KMT2E: variants seen among roughly 807,000 people sequenced by gnomAD.
KMT2E encodes lysine methyltransferase 2E (inactive), also known as histone reader KMT2E.
Under a neutral mutation model 184.6 loss-of-function variants are expected in KMT2E, and 30 were observed. That is an observed-to-expected ratio of 0.16 (90% CI 0.12 to 0.22). The LOEUF is 0.22. Ranked by LOEUF, KMT2E falls within the 10% of genes least tolerant of loss-of-function variation. KMT2E has a pLI of 1.00. For missense variants in KMT2E, 2,023 were observed against 2,237.4 expected (o/e 0.90, Z 1.93); for synonymous variants, 815 against 776.5 (o/e 1.05, Z -0.82).
intron 1 of KMT2E, among the ~76,000 whole-genome samples, chr7:105,019,296 A>C (rs1053880541): frequency 7.9e-5 from 12 of 152,308 alleles, no homozygotes; most frequent in Non-Finnish European, 1.3e-4. Context: ...ACATGTTTTC[A>C]CTTGATATGA....
In KMT2E at chr7:105,101,882, T is replaced by C. The variant is rs1283501287; in HGVS notation, c.1888-4T>C. The C allele has an allele frequency of 1.9e-6, 3 of 1,599,710 alleles. No individual in the cohort carries two copies. The highest frequency in any genetic ancestry group is 2.6e-6 in the Non-Finnish European group (3 of 1,174,604). ...AACTTCCATTCGCTTGTATTTTGAATTAGGAACAAGCAAAAGAAGAAAATG... is the reference window on the plus strand; with the variant it reads ...AACTTCCATTCGCTTGTATTTTGAACTAGGAACAAGCAAAAGAAGAAAATG... On this transcript the variant is annotated splice_region_variant and splice_polypyrimidine_tract_variant and intron_variant, in intron 16 of 26. Transcript: ENST00000311117.
chr7:105,090,381 C>A, intron 14 of KMT2E, 108 bp downstream of exon 14: 2 of 1,233,968 alleles, frequency 1.6e-6, no homozygotes, highest in South Asian at 1.5e-5. Flanking sequence ...TTTTTAAGTC[C>A]ATTCTGTCAT....
rs572630965 is a variant in KMT2E at position 105,092,097 on chromosome 7, C to T, written c.1722+783C>T. On this transcript the variant is annotated intron_variant, in intron 15 of 26. Transcript: ENST00000311117. ...CTATGTTGTATTCCATGGACTCTCA[C>T]GTCACATATTTAAGGGTGGGATGTT... 1.4e-4 allele frequency among the ~76,000 whole-genome samples: 21 copies of T among 152,216 alleles called. No homozygotes were observed. In the East Asian group the frequency reaches 2.7e-3, roughly 20 times the overall value.
intron 15 of KMT2E, 94 bp downstream of exon 15, chr7:105,091,408 G>C: frequency 1.3e-6 from 1 of 754,890 alleles, no homozygotes; most frequent in East Asian, 2.6e-5. Flanking sequence ...ATTATTCTTT[G>C]AAGTTAGCGA....
intron 5 of KMT2E, among the ~76,000 whole-genome samples, chr7:105,065,920 A>G (rs562393822): frequency 2.0e-5 from 3 of 152,352 alleles, no homozygotes; most frequent in South Asian, 4.1e-4. Flanking sequence ...CAATAGTAAC[A>G]AATTGAGAAA....
intron 8 of KMT2E, among the ~76,000 whole-genome samples, chr7:105,075,681 C>CT (rs66733218): frequency 2.8e-3 from 409 of 144,500 alleles, no homozygotes; most frequent in Middle Eastern, 0.011. Context: ...AGTCTATATA[C>CT]TTTTTTTTTT....
intron 17 of KMT2E, chr7:105,104,211 T>TA (rs945724636): frequency 1.3e-5 from 2 of 152,186 alleles, no homozygotes; most frequent in African/African-American, 4.8e-5. Context: ...TCGTTTTTTT[T>TA]AAAGTAGTAA....
chr7:105,100,028 G>C (rs1320271898), intron 15 of KMT2E, among the ~76,000 whole-genome samples: 1 of 152,148 alleles, frequency 6.6e-6, no homozygotes, highest in East Asian at 1.9e-4. Context: ...AAAACTTTCA[G>C]TGCCAGTGAA....
At chr7:105,057,145 T>C (rs1796596909) in intron 3 of KMT2E, among the ~76,000 whole-genome samples, 1 of 152,122 alleles carries the variant, frequency 6.6e-6, no homozygotes, top group South Asian at 2.1e-4. Context: ...TGTGTTGAAA[T>C]TAAGGAGTAA....
At chr7:105,084,207 C>T (rs1797872830) in intron 13 of KMT2E, among the ~76,000 whole-genome samples, 1 of 152,204 alleles carries the variant, frequency 6.6e-6, no homozygotes, top group Non-Finnish European at 1.5e-5. Context: ...CAACTGCACA[C>T]CTCAATCTAC....
At chr7:105,102,267 T>C (rs896615738) in intron 17 of KMT2E, 73 bp downstream of exon 17, 6 of 1,392,374 alleles carry the variant, frequency 4.3e-6, no homozygotes, top group South Asian at 2.9e-5. Flanking sequence ...GTTTTAAAAA[T>C]TGGATTTTTA....
chr7:105,083,685 CT>C (rs1797846877), intron 13 of KMT2E, among the ~76,000 whole-genome samples: 1 of 152,202 alleles, frequency 6.6e-6, no homozygotes, highest in African/African-American at 2.4e-5. Flanking sequence ...GTGCTTCCTT[CT>C]CTTCCTTACT....
intron 4 of KMT2E, among the ~76,000 whole-genome samples, chr7:105,062,744 A>G (rs1471226836): frequency 6.6e-6 from 1 of 151,698 alleles, no homozygotes; most frequent in Non-Finnish European, 1.5e-5. Flanking sequence ...CTTTTATTTC[A>G]TAGGTGAGAA....
rs201929047 is a variant in KMT2E, at chr7:105,106,803, C to G, written c.2847+31C>G. ...AAATTTTAATGGAGAAAAAAAAATTCAACACTTGGGGGGATGGAATTTCTT... is the reference window on the plus strand; with the variant it reads ...AAATTTTAATGGAGAAAAAAAAATTGAACACTTGGGGGGATGGAATTTCTT... On this transcript the variant is annotated intron_variant, in intron 20 of 26. Transcript: ENST00000311117. 1.3e-4 allele frequency: 209 copies of G among 1,602,866 alleles called. No homozygotes were observed. The African/African-American group carries it at 2.6e-3, about 20-fold the overall frequency.
At chr7:105,083,151 G>C (rs1033529077) in intron 13 of KMT2E, among the ~76,000 whole-genome samples, 1 of 152,176 alleles carries the variant, frequency 6.6e-6, no homozygotes, top group Non-Finnish European at 1.5e-5. Context: ...ACTCCAGCAG[G>C]AATTTATTGT....
At chr7:105,031,598 A>C (rs931983301) in intron 1 of KMT2E, among the ~76,000 whole-genome samples, 1 of 151,536 alleles carries the variant, frequency 6.6e-6, no homozygotes, top group Non-Finnish European at 1.5e-5. Context: ...CTAAAAATAC[A>C]AAAATTAGCT....
intron 22 of KMT2E, among the ~76,000 whole-genome samples, chr7:105,108,202 A>T (rs1235805819): frequency 1.3e-5 from 2 of 152,122 alleles, no homozygotes; most frequent in African/African-American, 2.4e-5. Context: ...ATTTTTTAAA[A>T]CTAGGAACTC....
intron 12 of KMT2E, among the ~76,000 whole-genome samples, chr7:105,079,847 TA>T (rs1314997956): frequency 3.3e-5 from 5 of 150,588 alleles, no homozygotes; most frequent in African/African-American, 4.9e-5. Flanking sequence ...TTATTATTAT[TA>T]TTATTATTTT....
chr7:105,061,228 A>G (rs1013499317), intron 3 of KMT2E, among the ~76,000 whole-genome samples: 12 of 152,176 alleles, frequency 7.9e-5, no homozygotes, highest in African/African-American at 2.9e-4. Context: ...TAATCAGAAT[A>G]TAACCACTAA....
Sources: gnomAD v4.1 joint callset for allele counts (sites outside exome capture counted in the v4.1 genomes callset) on GRCh38, gnomAD v4.1.1 for gene constraint, MANE v1.5 for transcripts, NCBI Gene and HGNC (gene_info 2026-07-23, HGNC 2026-07-21) for gene names.